The following ERC2 variants were observed in gnomAD, a reference collection of about 807,000 sequenced individuals.
ERC2 encodes the protein ELKS/RAB6-interacting/CAST family member 2.
ERC2 carries 42 observed loss-of-function variants against 114.8 expected under a neutral mutation model. The observed-to-expected ratio is 0.37, with a 90% CI of 0.29 to 0.47. The LOEUF is 0.47. ERC2 is among the 20% of genes least tolerant of loss of function. ERC2 has a pLI of 0.99. For missense variants in ERC2, 939 were observed against 1,150.7 expected, an observed-to-expected ratio of 0.82 and a Z score of 2.66; for synonymous variants, 454 against 425.5, an observed-to-expected ratio of 1.07 and a Z score of -0.82.
chr3:56,426,368 A>G (rs565604477), intron 2 of ERC2, among the ~76,000 whole-genome samples: 5 of 152,348 alleles, frequency 3.3e-5, no homozygotes, highest in African/African-American at 9.6e-5. Context: ...TCACTTCGAG[A>G]TGCTCCTGAA....
chr3:55,834,493 C>T (rs1198459844), intron 14 of ERC2, among the ~76,000 whole-genome samples: 10 of 152,018 alleles, frequency 6.6e-5, no homozygotes, highest in Non-Finnish European at 1.3e-4. Flanking sequence ...AACTCAAAAA[C>T]CTGCTCCTGA....
At chr3:55,921,821 T>A (rs1271605155) in intron 13 of ERC2, among the ~76,000 whole-genome samples, 4 of 152,166 alleles carry the variant, frequency 2.6e-5, no homozygotes, top group Non-Finnish European at 5.9e-5. Context: ...TAATGGGACA[T>A]CTTAAAAACA....
At chr3:56,004,293 A>C (rs1326406557) in intron 10 of ERC2, among the ~76,000 whole-genome samples, 1 of 152,062 alleles carries the variant, frequency 6.6e-6, no homozygotes, top group Admixed American at 6.6e-5. Flanking sequence ...TGTCTACTTA[A>C]GATGGATGAA....
chr3:56,007,349 A>C (rs879207696), intron 9 of ERC2, 28 bp from the exon 10 acceptor site: 2 of 1,574,596 alleles, frequency 1.3e-6, no homozygotes. Context: ...TGAGTGAGTA[A>C]AACACTGAAA....
At chr3:56,278,338 G>C (rs1560509700) in intron 3 of ERC2, among the ~76,000 whole-genome samples, 1 of 152,252 alleles carries the variant, frequency 6.6e-6, no homozygotes, top group East Asian at 1.9e-4. Flanking sequence ...CGAAGATATG[G>C]GAAGGGTCTG....
In ERC2 at chr3:56,200,585, A is replaced by G. The variant is rs557687611; in HGVS notation, c.1075-27065T>C. ...TCTGAGAGCCTAGCAATTATTTCCA[A>G]TAATATTCCTCACATTAACACCATG... is the stretch of plus-strand genomic sequence containing the variant. On this transcript the variant is annotated intron_variant, in intron 3 of 17. Coordinates refer to ENST00000288221, the MANE Select transcript of ERC2 (RefSeq NM_015576.3). Among the ~76,000 whole-genome samples, 11 of 152,314 alleles carry G rather than the reference A, an allele frequency of 7.2e-5. No homozygotes were observed. The South Asian group carries it at 1.0e-3, about 14-fold the overall frequency.
At chr3:56,185,592 C>T (rs1490903926) in intron 3 of ERC2, among the ~76,000 whole-genome samples, 2 of 152,080 alleles carry the variant, frequency 1.3e-5, no homozygotes, top group Non-Finnish European at 2.9e-5. Context: ...GGGATGAGAG[C>T]TTTGAAGATC....
At chr3:56,185,336 G>T (rs1304355041) in intron 3 of ERC2, 2 of 152,124 alleles carry the variant, frequency 1.3e-5, no homozygotes. Flanking sequence ...TACCTTCCTT[G>T]TTACCTATTT....
rs976047210 is a variant in ERC2 at position 56,100,876 on chromosome 3, G to A, written c.1474-19892C>T. Among the ~76,000 whole-genome samples the A allele has an allele frequency of 2.0e-5, 3 of 152,118 alleles. No individual in the cohort carries two copies. In the South Asian group the frequency reaches 6.2e-4, roughly 31 times the overall value. On this transcript the variant is annotated intron_variant, in intron 6 of 17. Coordinates refer to ENST00000288221, the MANE Select transcript of ERC2 (RefSeq NM_015576.3). Reference sequence around the variant, plus strand: ...TATTTCATGACTACACATGCTATAAGAGTTATTCAGAAGACGGAATTACAA... The same window carrying A: ...TATTTCATGACTACACATGCTATAAAAGTTATTCAGAAGACGGAATTACAA...
chr3:55,910,871 G>T (rs977055628), intron 13 of ERC2, among the ~76,000 whole-genome samples: 1 of 152,172 alleles, frequency 6.6e-6, no homozygotes, highest in African/African-American at 2.4e-5. Context: ...AACATCTGTT[G>T]TAAGGATTAA....
chr3:55,576,644 C>CAGATAGAGAT (rs2056995610), intron 17 of ERC2, among the ~76,000 whole-genome samples: 1 of 152,224 alleles, frequency 6.6e-6, no homozygotes, highest in South Asian at 2.1e-4. Flanking sequence ...CGAGCCAAGC[C>CAGATAGAGAT]AAGAGATAGA....
chr3:56,085,681 G>A (rs2077465563), intron 6 of ERC2, among the ~76,000 whole-genome samples: 1 of 152,044 alleles, frequency 6.6e-6, no homozygotes. Context: ...CATTATATCT[G>A]GTGAAAAAAT....
chr3:56,134,910 CTT>C (rs200683385), intron 6 of ERC2, among the ~76,000 whole-genome samples: 83 of 114,258 alleles, frequency 7.3e-4, no homozygotes, highest in Admixed American at 1.7e-3. Context: ...AAATCTCTCT[CTT>C]TTTTTTTGTT....
chr3:55,993,013 G>T (rs2071196485), intron 10 of ERC2, among the ~76,000 whole-genome samples: 1 of 151,966 alleles, frequency 6.6e-6, no homozygotes, highest in African/African-American at 2.4e-5. Context: ...AGAATAATTT[G>T]CAGCCAAAGT....
At chr3:55,944,987 G>A (rs2067039144) in intron 13 of ERC2, among the ~76,000 whole-genome samples, 2 of 152,160 alleles carry the variant, frequency 1.3e-5, no homozygotes, top group Admixed American at 6.5e-5. Flanking sequence ...TCAACAATGT[G>A]ATAGGATTTA....
chr3:56,394,165 C>A (rs1477937698), intron 2 of ERC2, among the ~76,000 whole-genome samples: 3 of 152,154 alleles, frequency 2.0e-5, no homozygotes, highest in African/African-American at 7.2e-5. Context: ...TGAAAACTAT[C>A]ATGTTGTGAG....
At position 55,821,371 on chromosome 3, in the gene ERC2, C is replaced by T. The variant is rs9875929; in HGVS notation, c.2564+67018G>A. ...CTTGAGTTCTGGGAAACCCATCAAA[C>T]ACGTGGAAATGAGCTTGATGAGAAT... is the stretch of plus-strand genomic sequence containing the variant. On this transcript the variant is annotated intron_variant, in intron 14 of 17. Transcript: ENST00000288221. 5.6e-3 allele frequency among the ~76,000 whole-genome samples: 855 copies of T among 152,306 alleles called. 9 individuals carry two copies. The highest frequency in any genetic ancestry group is 0.02 in the African/African-American group (819 of 41,562).
At chr3:55,561,373 G>T (rs1413745121) in intron 17 of ERC2, among the ~76,000 whole-genome samples, 1 of 152,120 alleles carries the variant, frequency 6.6e-6, no homozygotes, top group African/African-American at 2.4e-5. Context: ...CCCCTCAGAG[G>T]CTGTGGGTGC....
At chr3:56,273,630 A>G (rs957208447) in intron 3 of ERC2, among the ~76,000 whole-genome samples, 3 of 152,010 alleles carry the variant, frequency 2.0e-5, no homozygotes, top group South Asian at 2.1e-4. Flanking sequence ...GCTCTCAGCC[A>G]TATTTTTTCT....
Sources: allele counts gnomAD v4.1 joint callset (sites outside exome capture counted in the v4.1 genomes callset), GRCh38; gene constraint gnomAD v4.1.1; transcripts MANE v1.5; gene names NCBI Gene and HGNC (gene_info 2026-07-23, HGNC 2026-07-21).